PIK3R1: variants seen among roughly 807,000 people sequenced by gnomAD.
The protein encoded by PIK3R1 is phosphatidylinositol 3-kinase regulatory subunit alpha.
PIK3R1 carries 29 observed loss-of-function variants against 98.0 expected under a neutral mutation model. That is an observed-to-expected ratio of 0.30 (90% CI 0.22 to 0.40). The LOEUF (loss-of-function observed/expected upper bound fraction) is 0.40, where lower values mean the gene tolerates loss of function less well. PIK3R1 is among the 10% of genes least tolerant of loss of function. The probability of loss-of-function intolerance (pLI) is 1.00; values close to 1 mark genes in which losing one functional copy is unlikely to be tolerated. For missense variants in PIK3R1, 596 were observed against 872.7 expected, an observed-to-expected ratio of 0.68 and a Z score of 3.99; for synonymous variants, 282 against 311.8, an observed-to-expected ratio of 0.90 and a Z score of 1.01.
At chr5:68,288,033 G>T (rs1580253693) in intron 7 of PIK3R1, among the ~76,000 whole-genome samples, 2 of 152,242 alleles carry the variant, frequency 1.3e-5, no homozygotes, top group East Asian at 3.9e-4. Flanking sequence ...CTGTGTTCTG[G>T]GTTGTTCCAA....
intron 7 of PIK3R1, chr5:68,290,674 A>G: frequency 6.4e-7 from 1 of 1,569,290 alleles, no homozygotes; most frequent in Non-Finnish European, 8.6e-7. Flanking sequence ...ACCATTACAA[A>G]GAAAGCCGGA....
At position 68,298,557 on chromosome 5, in the gene PIK3R1, G is replaced by A. The variant is rs1286591927; in HGVS notation, c.*956G>A. On this transcript the variant is annotated 3_prime_UTR_variant, in exon 16 of 16. Transcript: ENST00000521381. Reference sequence around the variant, plus strand: ...TTGTTATCCTTTTTTAAAAGTAAATGTACAGGATGCCAGTAAAAAAAAAAA... The same window carrying A: ...TTGTTATCCTTTTTTAAAAGTAAATATACAGGATGCCAGTAAAAAAAAAAA... 8.8e-6 allele frequency: 2 copies of A among 226,974 alleles called. No homozygotes were observed. Among genetic ancestry groups the A allele is most frequent in the Admixed American group, 5.9e-5 (1 of 17,092 alleles). 14.1% of individuals were successfully genotyped at this position (226,974 alleles called of 1,614,324 possible). A position where few individuals can be genotyped will look rare whatever the true frequency, so the allele number is the denominator to read the frequency against.
chr5:68,291,220 A>G (rs1245769551), intron 7 of PIK3R1: 2 of 159,696 alleles, frequency 1.3e-5, no homozygotes, highest in Non-Finnish European at 2.7e-5. Flanking sequence ...CTTTGCAGTG[A>G]TAACACTTGG....
At chr5:68,241,369 G>T (rs1744866440) in intron 2 of PIK3R1, among the ~76,000 whole-genome samples, 1 of 131,874 alleles carries the variant, frequency 7.6e-6, no homozygotes, top group East Asian at 2.2e-4. Context: ...CTGAAAAGGT[G>T]GTGGTTACAA....
At chr5:68,273,569 T>A in intron 3 of PIK3R1, 87 bp downstream of exon 3, 1 of 1,120,164 alleles carries the variant, frequency 8.9e-7, no homozygotes, top group Non-Finnish European at 1.4e-6. Flanking sequence ...ATTCATTAAG[T>A]AAATTTCCTA....
chr5:68,246,666 C>T (rs1745104478), intron 2 of PIK3R1, among the ~76,000 whole-genome samples: 1 of 152,176 alleles, frequency 6.6e-6, no homozygotes, highest in African/African-American at 2.4e-5. Flanking sequence ...CTCTGTCGCC[C>T]AGGCTGGAGT....
intron 2 of PIK3R1, among the ~76,000 whole-genome samples, chr5:68,251,916 G>T (rs1440441803): frequency 6.6e-6 from 1 of 152,116 alleles, no homozygotes; most frequent in African/African-American, 2.4e-5. Flanking sequence ...GTGCAGGAGT[G>T]ACTGTTCTTG....
At chr5:68,267,672 C>T (rs1301166650) in intron 2 of PIK3R1, among the ~76,000 whole-genome samples, 1 of 151,428 alleles carries the variant, frequency 6.6e-6, no homozygotes, top group East Asian at 1.9e-4. Context: ...GCTCTTGTTT[C>T]GGCCACACTC....
rs750813629 is a variant in PIK3R1, at chr5:68,301,574, G to A, written c.*3973G>A. The A allele has an allele frequency of 6.3e-6, 1 of 157,804 alleles. No individual in the cohort carries two copies. The highest frequency in any genetic ancestry group is 1.4e-5 in the Non-Finnish European group (1 of 73,530). 9.8% of individuals were successfully genotyped at this position (157,804 alleles called of 1,614,324 possible). ...TGTGTATTTTTTAAAGCTACAATCT[G>A]TTCAATGTTTTTAAAAATCTGTTTA... On this transcript the variant is annotated 3_prime_UTR_variant, in exon 16 of 16. Coordinates refer to ENST00000521381, the MANE Select transcript of PIK3R1 (RefSeq NM_181523.3).
At chr5:68,263,887 G>T (rs1377237952) in intron 2 of PIK3R1, among the ~76,000 whole-genome samples, 8 of 151,978 alleles carry the variant, frequency 5.3e-5, no homozygotes, top group African/African-American at 1.9e-4. Flanking sequence ...GATCATGGAT[G>T]CTTCAACTCC....
At chr5:68,236,203 C>T (rs111299532) in intron 2 of PIK3R1, among the ~76,000 whole-genome samples, 2,043 of 151,186 alleles carry the variant, frequency 0.014, 38 homozygotes, top group African/African-American at 0.046. Flanking sequence ...TTTCATTTGA[C>T]GCTCACAACC....
intron 4 of PIK3R1, among the ~76,000 whole-genome samples, 178 bp from the exon 5 acceptor site, chr5:68,279,424 G>A (rs927094294): frequency 2.6e-5 from 4 of 151,980 alleles, no homozygotes; most frequent in East Asian, 1.9e-4. Flanking sequence ...CCAAATGCCC[G>A]GAGCAACCCC....
intron 1 of PIK3R1, among the ~76,000 whole-genome samples, chr5:68,224,384 G>A (rs777100439): frequency 2.0e-5 from 3 of 151,924 alleles, no homozygotes; most frequent in Non-Finnish European, 2.9e-5. Context: ...TTTTTTCTCC[G>A]ACAACTGAAA....
At chr5:68,224,499 A>G (rs2111954274) in intron 1 of PIK3R1, among the ~76,000 whole-genome samples, 1 of 152,286 alleles carries the variant, frequency 6.6e-6, no homozygotes, top group South Asian at 2.1e-4. Flanking sequence ...GTGTTATTGT[A>G]TTACAGCTAA....
intron 2 of PIK3R1, among the ~76,000 whole-genome samples, chr5:68,247,292 T>A (rs751953171): frequency 6.6e-6 from 1 of 152,246 alleles, no homozygotes; most frequent in African/African-American, 2.4e-5. Flanking sequence ...ATTGGACACA[T>A]TTTAGAGGCT....
At chr5:68,255,355 T>A (rs1745467283) in intron 2 of PIK3R1, among the ~76,000 whole-genome samples, 1 of 152,194 alleles carries the variant, frequency 6.6e-6, no homozygotes, top group African/African-American at 2.4e-5. Context: ...TTTGGAGGTA[T>A]TCATTCTCCA....
At chr5:68,228,170 A>G (rs1000533441) in intron 2 of PIK3R1, among the ~76,000 whole-genome samples, 13 of 152,236 alleles carry the variant, frequency 8.5e-5, no homozygotes, top group Non-Finnish European at 1.8e-4. Context: ...GCATCACAGG[A>G]TATTTCTGGA....
chr5:68,217,506 C>T (rs893682266), intron 1 of PIK3R1: 1 of 152,182 alleles, frequency 6.6e-6, no homozygotes, highest in Non-Finnish European at 1.5e-5. Context: ...TGACAGATTA[C>T]ACTGTTCTTG....
chr5:68,232,135 G>T (rs968468246), intron 2 of PIK3R1, among the ~76,000 whole-genome samples: 7 of 152,030 alleles, frequency 4.6e-5, no homozygotes, highest in African/African-American at 1.7e-4. Context: ...TAATTATTTT[G>T]AATAAAATCA....
Sources: gnomAD v4.1 joint callset for allele counts (sites outside exome capture counted in the v4.1 genomes callset) on GRCh38, gnomAD v4.1.1 for gene constraint, MANE v1.5 for transcripts, NCBI Gene and HGNC (gene_info 2026-07-23, HGNC 2026-07-21) for gene names.